DPYD: variants seen among roughly 807,000 people sequenced by gnomAD.
DPYD encodes the protein dihydropyrimidine dehydrogenase.
Under a neutral mutation model 116.2 loss-of-function variants are expected in DPYD, and 109 were observed. The observed-to-expected ratio is 0.94, with a 90% CI of 0.80 to 1.10. The LOEUF (loss-of-function observed/expected upper bound fraction) is 1.10, where lower values mean the gene tolerates loss of function less well. DPYD is among the 50% of genes least tolerant of loss of function. The pLI is 0.00. For synonymous variants in DPYD, 440 were observed against 432.0 expected (o/e 1.02, Z -0.23); for missense variants, 1,302 against 1,254.5 (o/e 1.04, Z -0.57).
chr1:97,101,492 A>C (rs1218145252), intron 20 of DPYD, among the ~76,000 whole-genome samples: 1 of 140,444 alleles, frequency 7.1e-6, no homozygotes, highest in African/African-American at 2.6e-5. Context: ...AAAAAAAAAA[A>C]GGAAGAAGGA....
chr1:97,895,918 A>C (rs1406545689), intron 1 of DPYD, among the ~76,000 whole-genome samples: 4 of 151,820 alleles, frequency 2.6e-5, no homozygotes, highest in Non-Finnish European at 4.4e-5. Flanking sequence ...TACCAAAAAC[A>C]ACCTAGGAAT....
intron 5 of DPYD, among the ~76,000 whole-genome samples, chr1:97,714,045 T>C (rs1245709855): frequency 2.0e-5 from 3 of 152,156 alleles, no homozygotes; most frequent in African/African-American, 4.8e-5. Flanking sequence ...AATGAACTGA[T>C]AGATTTTATT....
intron 16 of DPYD, among the ~76,000 whole-genome samples, chr1:97,355,674 T>C (rs1473332104): frequency 6.6e-6 from 1 of 152,198 alleles, no homozygotes; most frequent in Non-Finnish European, 1.5e-5. Flanking sequence ...TAAGAGAATA[T>C]GCAATATTTG....
At chr1:97,751,456 G>GTATATATATATA (rs1326157374) in intron 3 of DPYD, among the ~76,000 whole-genome samples, 28 of 24,410 alleles carry the variant, frequency 1.1e-3, no homozygotes, top group Non-Finnish European at 1.4e-3. Flanking sequence ...GTGTGTGTGT[G>GTATATATATATA]TGTGTATATA....
intron 3 of DPYD, among the ~76,000 whole-genome samples, chr1:97,793,890 T>A (rs1028222900): frequency 6.6e-6 from 1 of 152,148 alleles, no homozygotes; most frequent in African/African-American, 2.4e-5. Flanking sequence ...AATAACAATT[T>A]CTGTTCTTTA....
At chr1:97,398,467 T>C (rs1673144706) in intron 14 of DPYD, among the ~76,000 whole-genome samples, 2 of 152,206 alleles carry the variant, frequency 1.3e-5, no homozygotes, top group Admixed American at 6.5e-5. Context: ...TACTCAGTAA[T>C]GGGATCACTA....
At chr1:97,331,624 AAAG>A (rs1250887280) in intron 16 of DPYD, among the ~76,000 whole-genome samples, 3 of 152,216 alleles carry the variant, frequency 2.0e-5, no homozygotes, top group African/African-American at 4.8e-5. Flanking sequence ...GGAGAAAAGC[AAAG>A]AAGGAGGAAA....
chr1:97,319,265 A>T (rs1668077366), intron 16 of DPYD, among the ~76,000 whole-genome samples: 1 of 150,968 alleles, frequency 6.6e-6, no homozygotes, highest in Non-Finnish European at 1.5e-5. Flanking sequence ...GACACAAAAA[A>T]CCCTTCAAAA....
intron 1 of DPYD, among the ~76,000 whole-genome samples, chr1:97,891,427 A>AC (rs11404497): frequency 0.98 from 148,209 of 151,966 alleles, 72,393 homozygotes; most frequent in Middle Eastern, 1. Context: ...ACGCAGAAAA[A>AC]AAAATTAGAA....
intron 16 of DPYD, among the ~76,000 whole-genome samples, chr1:97,362,338 G>A (rs186830965): frequency 2.0e-5 from 3 of 152,196 alleles, no homozygotes; most frequent in East Asian, 3.9e-4. Flanking sequence ...CCATGCTCAG[G>A]GATAGGAAGA....
chr1:97,655,249 C>G (rs142997877), intron 8 of DPYD, among the ~76,000 whole-genome samples: 6 of 152,126 alleles, frequency 3.9e-5, no homozygotes, highest in Admixed American at 3.9e-4. Context: ...TGAAAATGAA[C>G]AAAATCCTCT....
chr1:97,362,368 C>A (rs1670781659), intron 16 of DPYD, among the ~76,000 whole-genome samples: 1 of 152,134 alleles, frequency 6.6e-6, no homozygotes, highest in Non-Finnish European at 1.5e-5. Context: ...GTGAAAATGG[C>A]CATACTGCCC....
chr1:97,398,710 T>G (rs543902950), intron 14 of DPYD, among the ~76,000 whole-genome samples: 2 of 152,334 alleles, frequency 1.3e-5, no homozygotes, highest in African/African-American at 2.4e-5. Flanking sequence ...TGATGAGCAT[T>G]TTTTCATTTG....
intron 18 of DPYD, among the ~76,000 whole-genome samples, chr1:97,300,666 T>G (rs1334995328): frequency 6.6e-6 from 1 of 152,048 alleles, no homozygotes; most frequent in Non-Finnish European, 1.5e-5. Context: ...ACACAAATAT[T>G]CACTAATAAA....
intron 15 of DPYD, among the ~76,000 whole-genome samples, chr1:97,376,903 G>GTGTGT: frequency 9.3e-6 from 1 of 107,550 alleles, no homozygotes; most frequent in Admixed American, 8.8e-5. Context: ...ATATATATAT[G>GTGTGT]GTGTGGACTC....
At chr1:97,366,266 T>C (rs1232855501) in intron 16 of DPYD, among the ~76,000 whole-genome samples, 2 of 152,154 alleles carry the variant, frequency 1.3e-5, no homozygotes, top group Admixed American at 6.5e-5. Flanking sequence ...CATAATATAG[T>C]ATAAAGCAGA....
At chr1:97,572,980 C>G (rs1653003263) in intron 11 of DPYD, among the ~76,000 whole-genome samples, 1 of 151,956 alleles carries the variant, frequency 6.6e-6, no homozygotes. Flanking sequence ...CTTAATGAAT[C>G]TCTGACCTAG....
chr1:97,111,488 G>GT (rs921881998), intron 20 of DPYD, among the ~76,000 whole-genome samples: 350 of 143,704 alleles, frequency 2.4e-3, no homozygotes, highest in Middle Eastern at 7.1e-3. Flanking sequence ...CATTTACTGG[G>GT]TTTTTTTTTT....
At chr1:97,690,679 T>C (rs986172144) in intron 7 of DPYD, among the ~76,000 whole-genome samples, 4 of 152,004 alleles carry the variant, frequency 2.6e-5, no homozygotes, top group Non-Finnish European at 5.9e-5. Context: ...TTTAAAAACT[T>C]TTCAGAATGT....
Sources: allele counts gnomAD v4.1 joint callset (sites outside exome capture counted in the v4.1 genomes callset), GRCh38; gene constraint gnomAD v4.1.1; transcripts MANE v1.5; gene names NCBI Gene and HGNC (gene_info 2026-07-23, HGNC 2026-07-21).